RUBCN: variants seen among roughly 807,000 people sequenced by gnomAD.
RUBCN encodes the protein run domain Beclin-1-interacting and cysteine-rich domain-containing protein.
In RUBCN, 74 loss-of-function variants were observed where a neutral mutation model predicts 113.2. The ratio of observed to expected loss-of-function variants is 0.65; its 90% CI spans 0.54 to 0.79. The LOEUF (loss-of-function observed/expected upper bound fraction) is 0.79. Ranked by LOEUF, RUBCN falls within the 30% of genes least tolerant of loss-of-function variation. The probability of loss-of-function intolerance (pLI) is 0.00; values close to 1 mark genes in which losing one functional copy is unlikely to be tolerated. For missense variants in RUBCN, 1,109 were observed against 1,251.7 expected, an observed-to-expected ratio of 0.89 and a Z score of 1.72; for synonymous variants, 480 against 490.0, an observed-to-expected ratio of 0.98 and a Z score of 0.27.
chr3:197,689,387 A>G (rs540107400), intron 11 of RUBCN, among the ~76,000 whole-genome samples: 4 of 152,194 alleles, frequency 2.6e-5, no homozygotes, highest in African/African-American at 9.6e-5. Flanking sequence ...AAAACCTGTC[A>G]TGTGTATAAA....
intron 1 of RUBCN, among the ~76,000 whole-genome samples, chr3:197,735,074 CATT>C (rs1456742390): frequency 6.6e-5 from 10 of 152,198 alleles, no homozygotes; most frequent in Non-Finnish European, 1.2e-4. Context: ...CTGAGACCAT[CATT>C]ATATCTGAAA....
At chr3:197,719,537 A>C (rs1725918678) in intron 1 of RUBCN, among the ~76,000 whole-genome samples, 1 of 151,840 alleles carries the variant, frequency 6.6e-6, no homozygotes, top group African/African-American at 2.4e-5. Context: ...TAAGTACTCT[A>C]TCATCCTAGG....
rs1463001161 is a variant in RUBCN at position 197,694,586 on chromosome 3, C to T, written c.1474-1G>A. On this transcript the variant is annotated splice_acceptor_variant, in intron 9 of 19. Transcript: ENST00000296343. LOFTEE classifies it high-confidence loss of function. ...CTGAGATGCTGAAGTGGGCATTCTC[C>T]TGGCGGAAGGAGAGCACCAAACAGG... 2 of 1,613,920 alleles carry T rather than the reference C, an allele frequency of 1.2e-6. No individual in the cohort carries two copies. The highest frequency in any genetic ancestry group is 1.7e-6 in the Non-Finnish European group (2 of 1,179,788).
At position 197,705,182 on chromosome 3, in the gene RUBCN, A is replaced by G; in HGVS notation, c.220-7T>C. The G allele has an allele frequency of 6.2e-7, 1 of 1,613,216 alleles. No homozygotes were observed. The highest frequency in any genetic ancestry group is 8.5e-7 in the Non-Finnish European group (1 of 1,179,178). On this transcript the variant is annotated splice_region_variant and splice_polypyrimidine_tract_variant and intron_variant, in intron 2 of 19. Transcript: ENST00000296343. ...CCGTCTGGCGGCGGCACGCCTGCAA[A>G]GGGAACACATACAATGAGCAAATCA...
Position 197,718,049 on chromosome 3 carries a change from A to G in RUBCN, c.147T>C (p.Ser49=). The G allele has an allele frequency of 1.9e-6, 3 of 1,614,216 alleles. No homozygotes were observed. The highest frequency in any genetic ancestry group is 1.1e-5 in the South Asian group (1 of 91,084). Residue 49 remains serine (S), a synonymous_variant, in exon 2 of 20, where the codon TCT becomes TCC. Coordinates refer to ENST00000296343, the MANE Select transcript of RUBCN (RefSeq NM_014687.4). The part of the protein sequence containing the change: ...LVSTNSPNVW[S]KYGGLERLCR... ...AAAGCCGCTCCAAGCCACCATACTTAGACCAGACGTTGGGGCTGTTGGTTG... is the reference window on the plus strand; with the variant it reads ...AAAGCCGCTCCAAGCCACCATACTTGGACCAGACGTTGGGGCTGTTGGTTG...
At chr3:197,682,652 C>CA (rs2108852729) in intron 13 of RUBCN, 37 bp from the exon 14 acceptor site, 1 of 1,601,678 alleles carries the variant, frequency 6.2e-7, no homozygotes, top group Middle Eastern at 1.7e-4. Context: ...AAGCTCGTGT[C>CA]AGTGTGCTGC....
Position 197,671,067 on chromosome 3 carries a change from T to G in RUBCN, c.*3951A>C, listed in dbSNP as rs1719743756. 6.6e-6 allele frequency among the ~76,000 whole-genome samples: 1 copy of G among 152,096 alleles called. No homozygotes were observed. Among genetic ancestry groups the G allele is most frequent in the African/African-American group, 2.4e-5 (1 of 41,388 alleles). On this transcript the variant is annotated 3_prime_UTR_variant, in exon 20 of 20. Transcript: ENST00000296343. Reference sequence around the variant, plus strand: ...GTCTCGCTCTTCATCCAGGATGGAGTGCAATGGAGCAAGCTTGGCTCACTG... The same window carrying G: ...GTCTCGCTCTTCATCCAGGATGGAGGGCAATGGAGCAAGCTTGGCTCACTG...
chr3:197,693,482 C>T (rs966370409), intron 11 of RUBCN, among the ~76,000 whole-genome samples: 7 of 152,190 alleles, frequency 4.6e-5, no homozygotes, highest in African/African-American at 1.7e-4. Context: ...GAGGAGGACG[C>T]GTCAGGGTGA....
intron 7 of RUBCN, 122 bp downstream of exon 7, chr3:197,700,491 A>G: frequency 1.1e-6 from 1 of 887,976 alleles, no homozygotes; most frequent in Non-Finnish European, 1.8e-6. Flanking sequence ...TTACAAAATA[A>G]GATGTTGTAT....
intron 16 of RUBCN, 98 bp from the exon 17 acceptor site, chr3:197,677,639 G>A: frequency 9.5e-7 from 1 of 1,056,462 alleles, no homozygotes; most frequent in South Asian, 1.3e-5. Context: ...GGTTCTAGAA[G>A]CCTTGCATGC....
At position 197,704,585 on chromosome 3, in the gene RUBCN, C is replaced by A; in HGVS notation, c.420G>T (p.Arg140=). The A allele has an allele frequency of 6.2e-7, 1 of 1,614,212 alleles. No individual in the cohort carries two copies. The highest frequency in any genetic ancestry group is 8.5e-7 in the Non-Finnish European group (1 of 1,180,030). Residue 140 remains arginine (R), a synonymous_variant, in exon 4 of 20, where the codon CGG becomes CGT. Transcript: ENST00000296343. ...LQYHCLSAQL[R]PLLGDRQYIR... is the part of the protein sequence containing the mutation. ...TATACTGTCTATCCCCGAGCAGGGG[C>A]CGGAGCTGGGCTGAGAGGCAGTGGT...
intron 1 of RUBCN, among the ~76,000 whole-genome samples, chr3:197,722,566 T>C (rs1580350106): frequency 6.6e-6 from 1 of 151,332 alleles, no homozygotes; most frequent in African/African-American, 2.4e-5. Flanking sequence ...TCTACTAATA[T>C]TCACTTTACA....
chr3:197,737,509 CAAGG>C (rs893226945), upstream of RUBCN, among the ~76,000 whole-genome samples: 4 of 151,726 alleles, frequency 2.6e-5, no homozygotes, highest in African/African-American at 9.7e-5. Flanking sequence ...ACGGCAGATA[CAAGG>C]AAGGAAGTGC....
intron 7 of RUBCN, 195 bp downstream of exon 7, chr3:197,700,418 A>G: frequency 1.6e-6 from 1 of 616,250 alleles, no homozygotes; most frequent in Admixed American, 3.0e-5. Flanking sequence ...CAATGTATAA[A>G]GAAACAAACA....
intron 2 of RUBCN, among the ~76,000 whole-genome samples, chr3:197,709,559 T>C (rs1174455260): frequency 6.6e-6 from 1 of 152,078 alleles, no homozygotes; most frequent in East Asian, 1.9e-4. Flanking sequence ...TTTGTATTTT[T>C]AGTAGAGACG....
Position 197,674,586 on chromosome 3 carries a change from A to G in RUBCN, c.*432T>C. The stretch of plus-strand genomic sequence containing the variant: ...AGAGGGAAAACGCCATCCCCGTTTC[A>G]GCAGCAGGAGAGGTGGTTGAGAAAG... On this transcript the variant is annotated 3_prime_UTR_variant, in exon 20 of 20. Coordinates refer to ENST00000296343, the MANE Select transcript of RUBCN (RefSeq NM_014687.4). The G allele has an allele frequency of 2.0e-6, 1 of 490,498 alleles. No individual in the cohort carries two copies. Among genetic ancestry groups the G allele is most frequent in the Non-Finnish European group, 4.1e-6 (1 of 240,976 alleles). The allele number at this position is 490,498 out of a possible 1,614,324, so 30.4% of individuals were successfully genotyped here. A position where few individuals can be genotyped will look rare whatever the true frequency, so the allele number is the denominator to read the frequency against.
At chr3:197,691,471 T>C (rs1464832411) in intron 11 of RUBCN, among the ~76,000 whole-genome samples, 2 of 152,070 alleles carry the variant, frequency 1.3e-5, no homozygotes, top group East Asian at 1.9e-4. Flanking sequence ...AGGCTAGGAA[T>C]GACACTAAAC....
At chr3:197,739,559 G>C (rs1728430354), upstream of RUBCN, among the ~76,000 whole-genome samples, 1 of 151,804 alleles carries the variant, frequency 6.6e-6, no homozygotes. Flanking sequence ...AGCCGGGCGT[G>C]GTGGCGGGCG....
At chr3:197,744,944 A>G (rs1197089937) in intron 1 of RUBCN, among the ~76,000 whole-genome samples, 1 of 152,136 alleles carries the variant, frequency 6.6e-6, no homozygotes, top group Non-Finnish European at 1.5e-5. Context: ...TAAACTGCAT[A>G]CTTTCAGTAT....
Sources: gnomAD v4.1 joint callset for allele counts (sites outside exome capture counted in the v4.1 genomes callset) on GRCh38, gnomAD v4.1.1 for gene constraint, MANE v1.5 for transcripts, NCBI Gene and HGNC (gene_info 2026-07-23, HGNC 2026-07-21) for gene names.